DSCAM: variants seen among roughly 807,000 people sequenced by gnomAD.
The protein encoded by DSCAM is DS cell adhesion molecule.
DSCAM carries 47 observed loss-of-function variants against 217.7 expected under a neutral mutation model. The ratio of observed to expected loss-of-function variants is 0.22; its 90% CI spans 0.17 to 0.28. The LOEUF is 0.28. Among genes scored for constraint, DSCAM ranks in the 10% least tolerant of loss-of-function variants. The probability of loss-of-function intolerance (pLI) is 1.00; values close to 1 mark genes in which losing one functional copy is unlikely to be tolerated. For missense variants in DSCAM, 2,080 were observed against 2,618.3 expected (o/e 0.79, Z 4.49); for synonymous variants, 1,056 against 1,015.3 (o/e 1.04, Z -0.76).
intron 1 of DSCAM, among the ~76,000 whole-genome samples, chr21:40,833,699 A>G (rs2092030599): frequency 6.6e-6 from 1 of 152,228 alleles, no homozygotes; most frequent in Non-Finnish European, 1.5e-5. Context: ...TGGTTTTAGC[A>G]GCCAAAGGAA....
chr21:40,057,873 C>CTT (rs71186913), intron 28 of DSCAM, among the ~76,000 whole-genome samples: 2,613 of 107,128 alleles, frequency 0.024, 248 homozygotes, highest in African/African-American at 0.093. Flanking sequence ...TCACTGCAGT[C>CTT]TTTTTTTTTT....
chr21:40,733,066 A>G (rs1416681424), intron 1 of DSCAM, among the ~76,000 whole-genome samples: 2 of 152,198 alleles, frequency 1.3e-5, no homozygotes, highest in Admixed American at 1.3e-4. Flanking sequence ...CCTGACCTAT[A>G]CAAAAGAGGC....
At chr21:40,675,077 T>C (rs997269159) in intron 3 of DSCAM, among the ~76,000 whole-genome samples, 21 of 152,014 alleles carry the variant, frequency 1.4e-4, no homozygotes, top group African/African-American at 5.1e-4. Flanking sequence ...TTAAAACGAA[T>C]AATCCCAGCT....
At chr21:40,524,974 C>T (rs1000013280) in intron 3 of DSCAM, among the ~76,000 whole-genome samples, 1 of 131,142 alleles carries the variant, frequency 7.6e-6, no homozygotes, top group Non-Finnish European at 1.5e-5. Context: ...CATGCCACTG[C>T]ATTCCAGCCT....
At chr21:40,521,004 T>C (rs988094253) in intron 3 of DSCAM, among the ~76,000 whole-genome samples, 1 of 152,222 alleles carries the variant, frequency 6.6e-6, no homozygotes, top group African/African-American at 2.4e-5. Context: ...AATACTTTCA[T>C]AGATTCTAAT....
chr21:40,515,645 C>T (rs1283988582), intron 3 of DSCAM, among the ~76,000 whole-genome samples: 2 of 152,138 alleles, frequency 1.3e-5, no homozygotes, highest in Non-Finnish European at 2.9e-5. Context: ...AAATTGCAGT[C>T]TTTTCTGACT....
intron 29 of DSCAM, among the ~76,000 whole-genome samples, chr21:40,054,844 T>A (rs2146503309): frequency 6.6e-6 from 1 of 152,328 alleles, no homozygotes; most frequent in South Asian, 2.1e-4. Context: ...CTTGGAAAGC[T>A]ACACAGACCT....
chr21:40,385,625 G>A (rs2075076468), intron 3 of DSCAM, among the ~76,000 whole-genome samples: 1 of 152,144 alleles, frequency 6.6e-6, no homozygotes, highest in African/African-American at 2.4e-5. Flanking sequence ...AATGCTATGT[G>A]ACTTCTTAAG....
chr21:40,772,464 C>T (rs1276289811), intron 1 of DSCAM, among the ~76,000 whole-genome samples: 2 of 152,182 alleles, frequency 1.3e-5, no homozygotes, highest in African/African-American at 4.8e-5. Context: ...CCACTGTGCC[C>T]AGCCTGATTT....
chr21:40,231,593 C>CCTGCACTCAAGTGATCCTCCACCTG (rs2091382999), intron 11 of DSCAM, among the ~76,000 whole-genome samples: 1 of 152,160 alleles, frequency 6.6e-6, no homozygotes, highest in East Asian at 1.9e-4. Flanking sequence ...GCCTCTACCT[C>CCTGCACTCAAGTGATCCTCCACCTG]CTGCACTCAA....
chr21:40,846,696 C>G lies in DSCAM; in HGVS notation c.-35G>C. On this transcript the variant is annotated 5_prime_UTR_variant, in exon 1 of 33. Coordinates refer to ENST00000400454, the MANE Select transcript of DSCAM (RefSeq NM_001389.5). ...GCTCCCCGGCCTCCCGCGAGCGACG[C>G]GCCGGCCTCGCCCCCCGCGCTCCGC... The G allele has an allele frequency of 9.3e-7, 1 of 1,078,720 alleles. No individual in the cohort carries two copies. The highest frequency in any genetic ancestry group is 1.7e-5 in the African/African-American group (1 of 59,558). 66.8% of individuals were successfully genotyped at this position (1,078,720 alleles called of 1,614,324 possible).
intron 3 of DSCAM, among the ~76,000 whole-genome samples, chr21:40,522,887 G>C (rs2076370261): frequency 6.6e-6 from 1 of 152,086 alleles, no homozygotes; most frequent in South Asian, 2.1e-4. Context: ...ACATGCGGTA[G>C]GAATCAATAA....
chr21:40,287,784 T>C (rs1287540369), intron 10 of DSCAM, among the ~76,000 whole-genome samples: 1 of 152,136 alleles, frequency 6.6e-6, no homozygotes, highest in East Asian at 1.9e-4. Flanking sequence ...TCTGGGGGAC[T>C]GTGCGTGGTG....
Position 40,106,900 on chromosome 21 carries a change from A to ATT in DSCAM, c.3697-13028_3697-13027dup, listed in dbSNP as rs56714391. 2.3e-3 allele frequency among the ~76,000 whole-genome samples: 329 copies of ATT among 145,404 alleles called. 3 individuals are homozygous for ATT. The highest frequency in any genetic ancestry group is 2.9e-3 in the African/African-American group (112 of 39,000). On this transcript the variant is annotated intron_variant, in intron 20 of 32. Coordinates refer to ENST00000400454, the MANE Select transcript of DSCAM (RefSeq NM_001389.5). ...TCCTAGCTAGTGGTCTATCTATTTT[A>ATT]TTTTTTTTTTCAAAAAACTAGCTCC...
chr21:40,067,220 T>A (rs1383685906), intron 27 of DSCAM, among the ~76,000 whole-genome samples: 1 of 152,142 alleles, frequency 6.6e-6, no homozygotes, highest in Non-Finnish European at 1.5e-5. Context: ...AAGATCAAAA[T>A]TCAAAATACA....
At chr21:40,303,927 C>A (rs914842697) in intron 9 of DSCAM, among the ~76,000 whole-genome samples, 4 of 152,158 alleles carry the variant, frequency 2.6e-5, no homozygotes, top group Non-Finnish European at 4.4e-5. Context: ...CAGATAGGAA[C>A]TGTTGTGTTG....
chr21:40,282,113 A>G (rs1202201346), intron 10 of DSCAM, among the ~76,000 whole-genome samples: 1 of 152,150 alleles, frequency 6.6e-6, no homozygotes, highest in Non-Finnish European at 1.5e-5. Context: ...ATTGGAAGTT[A>G]AAATTAAGGA....
At chr21:40,804,530 C>T (rs188671931) in intron 1 of DSCAM, among the ~76,000 whole-genome samples, 2 of 152,046 alleles carry the variant, frequency 1.3e-5, no homozygotes, top group African/African-American at 4.8e-5. Flanking sequence ...CCTCCCCGTT[C>T]CCAGCACACC....
chr21:40,075,130 T>C lies in DSCAM; in HGVS notation c.4795A>G (p.Ile1599Val). The change falls in exon 27 of 33, where the codon ATC becomes GTC. Residue 1599 changes from isoleucine (I) to valine (V), a missense_variant. Ile to Val is a conservative substitution (Grantham distance 29, BLOSUM62 3). Coordinates refer to ENST00000400454, the MANE Select transcript of DSCAM (RefSeq NM_001389.5). Reference sequence around the variant, plus strand: ...AAGACCCCCACCAGGATACAGGAGATGGTCACCAGCATCTTGAGCCCCTCG... The same window carrying C: ...AAGACCCCCACCAGGATACAGGAGACGGTCACCAGCATCTTGAGCCCCTCG... ...TNEGLKMLVT[I>V]SCILVGVLLL... The C allele has an allele frequency of 6.2e-7, 1 of 1,614,182 alleles. No individual in the cohort carries two copies. Among genetic ancestry groups the C allele is most frequent in the Non-Finnish European group, 8.5e-7 (1 of 1,180,034 alleles).
Sources: allele counts gnomAD v4.1 joint callset (sites outside exome capture counted in the v4.1 genomes callset), GRCh38; gene constraint gnomAD v4.1.1; transcripts MANE v1.5; gene names NCBI Gene and HGNC (gene_info 2026-07-23, HGNC 2026-07-21).